Variants in NLRP1 observed in about 807,000 individuals in gnomAD.
The protein encoded by NLRP1 is NACHT, LRR and PYD domains-containing protein 1.
Under a neutral mutation model 136.7 loss-of-function variants are expected in NLRP1, and 94 were observed. That is an observed-to-expected ratio of 0.69 (90% CI 0.58 to 0.82). The LOEUF (loss-of-function observed/expected upper bound fraction) is 0.82. Ranked by LOEUF, NLRP1 falls within the 40% of genes least tolerant of loss-of-function variation. NLRP1 has a pLI of 0.00. For synonymous variants in NLRP1, 690 were observed against 725.1 expected (o/e 0.95, Z 0.78); for missense variants, 1,575 against 1,802.7 (o/e 0.87, Z 2.29).
At chr17:5,510,599 TC>T (rs1907575452), downstream of NLRP1, among the ~76,000 whole-genome samples, 2 of 151,844 alleles carry the variant, frequency 1.3e-5, no homozygotes, top group Non-Finnish European at 2.9e-5. Flanking sequence ...ACTCTTAACC[TC>T]AGGTGATCCG....
intron 12 of NLRP1, 101 bp from the exon 13 acceptor site, chr17:5,521,887 C>T (rs1477891906): frequency 9.1e-6 from 11 of 1,202,786 alleles, no homozygotes; most frequent in African/African-American, 4.6e-5. Context: ...TGCAATGGTA[C>T]AATCTCGGCT....
rs1256584480 is a variant in NLRP1, at chr17:5,537,153, GGA to G, written c.2871-215_2871-214del. Among the ~76,000 whole-genome samples, 1 of 152,244 alleles carries G rather than the reference GGA, an allele frequency of 6.6e-6. No individual in the cohort carries two copies. Among genetic ancestry groups the G allele is most frequent in the Admixed American group, 6.5e-5 (1 of 15,290 alleles). ...AGGGCAAGGGAAGGGAGGGAATCGG[GGA>G]GACGTGGGCTGTGAGGCAGTCTCCA... On this transcript the variant is annotated intron_variant, in intron 7 of 16. Transcript: ENST00000572272. The surrounding 1 kb of genome is among the most constrained non-coding windows in gnomAD (Gnocchi z 4.5).
At chr17:5,547,161 A>C (rs1912766900) in intron 5 of NLRP1, among the ~76,000 whole-genome samples, 1 of 152,212 alleles carries the variant, frequency 6.6e-6, no homozygotes, top group African/African-American at 2.4e-5. Context: ...ACCTAAGTAC[A>C]TAGCATACAT....
At chr17:5,509,536 A>G (rs1196018082), downstream of NLRP1, among the ~76,000 whole-genome samples, 1 of 152,054 alleles carries the variant, frequency 6.6e-6, no homozygotes, top group Non-Finnish European at 1.5e-5. Context: ...GGCTCCCACC[A>G]TCCATCAGAG....
chr17:5,536,563 G>A (rs1281493675), intron 8 of NLRP1, among the ~76,000 whole-genome samples: 1 of 148,308 alleles, frequency 6.7e-6, no homozygotes, highest in Non-Finnish European at 1.5e-5. Context: ...TTATTCTCAT[G>A]CCTCAGCCTC....
intron 4 of NLRP1, 63 bp downstream of exon 4, chr17:5,558,276 T>G (rs2151801369): frequency 6.6e-7 from 1 of 1,522,524 alleles, no homozygotes; most frequent in East Asian, 2.3e-5. Context: ...CCTCTGGTGC[T>G]CAGGTCACTC....
At chr17:5,539,291 T>C (rs1911531998) in intron 7 of NLRP1, 124 bp downstream of exon 7, 2 of 827,482 alleles carry the variant, frequency 2.4e-6, no homozygotes, top group African/African-American at 3.5e-5. Flanking sequence ...AGTCACACAG[T>C]GTAAGTGGTA....
chr17:5,531,821 T>C (rs1910309975), intron 11 of NLRP1, among the ~76,000 whole-genome samples: 1 of 152,208 alleles, frequency 6.6e-6, no homozygotes, highest in South Asian at 2.1e-4. Context: ...CCCCAGCTAC[T>C]AGTACAGTCC....
chr17:5,530,194 T>C (rs1910064032), intron 12 of NLRP1: 6 of 502,072 alleles, frequency 1.2e-5, no homozygotes, highest in Non-Finnish European at 1.9e-5. Context: ...GAGCATATCA[T>C]CTCTTTCCTG....
chr17:5,516,889 C>T (rs977196795), intron 15 of NLRP1, among the ~76,000 whole-genome samples: 7 of 152,134 alleles, frequency 4.6e-5, no homozygotes, highest in African/African-American at 1.7e-4. Flanking sequence ...TGAGAGCTGA[C>T]TAGGGATGGT....
intron 10 of NLRP1, 105 bp from the exon 11 acceptor site, chr17:5,533,089 C>T (rs1226121871): frequency 7.0e-7 from 1 of 1,431,932 alleles, no homozygotes; most frequent in East Asian, 2.4e-5. Context: ...CCTGCCTGGA[C>T]CATGGCAGGG....
intron 12 of NLRP1, among the ~76,000 whole-genome samples, chr17:5,524,217 C>T (rs1205722861): frequency 6.6e-6 from 1 of 152,214 alleles, no homozygotes; most frequent in Non-Finnish European, 1.5e-5. Context: ...CATGGGACGC[C>T]TGCATTACAG....
At chr17:5,506,737 C>CA (rs776202533) in intron 15 of NLRP1, among the ~76,000 whole-genome samples, 16,540 of 131,444 alleles carry the variant, frequency 0.13, 1,353 homozygotes, top group African/African-American at 0.2. Context: ...ACTAAAAATA[C>CA]AAAAAAAAAA....
intron 5 of NLRP1, among the ~76,000 whole-genome samples, chr17:5,551,492 T>C (rs1187812196): frequency 6.6e-6 from 1 of 152,254 alleles, no homozygotes; most frequent in Non-Finnish European, 1.5e-5. Flanking sequence ...TAAACATTCA[T>C]GTGCAGGTTT....
At chr17:5,579,258 TAA>T (rs35189601) in intron 3 of NLRP1, among the ~76,000 whole-genome samples, 2,908 of 143,880 alleles carry the variant, frequency 0.02, 86 homozygotes, top group African/African-American at 0.068. Flanking sequence ...CTTAAAGTAT[TAA>T]AAAAAAAAAA....
intron 4 of NLRP1, among the ~76,000 whole-genome samples, chr17:5,556,159 C>CAT (rs1412486653): frequency 0.034 from 4,342 of 127,702 alleles, 111 homozygotes; most frequent in African/African-American, 0.066. Flanking sequence ...CACACACACA[C>CAT]ACATGAAGGG....
At position 5,559,375 on chromosome 17, in the gene NLRP1, C is replaced by T. The variant is rs1914469317; in HGVS notation, c.1321G>A (p.Gly441Ser). Residue 441 changes from glycine to serine, a missense_variant, in exon 4 of 17, where the codon GGC (glycine) becomes AGC (serine). Coordinates refer to ENST00000572272, the MANE Select transcript of NLRP1 (RefSeq NM_033004.4). ...SQPQPADALLGSLLGKTILPE... is the reference protein window; with the variant it reads ...SQPQPADALLSSLLGKTILPE... ...AGTATAGTTTTCCCCAGCAAACTGC[C>T]CAGCAGTGCATCCGCCGGCTGTGGC... is the stretch of plus-strand genomic sequence containing the variant. The T allele has an allele frequency of 6.8e-6, 11 of 1,614,022 alleles. No homozygotes were observed. The highest frequency in any genetic ancestry group is 5.9e-6 in the Non-Finnish European group (7 of 1,179,918).
At chr17:5,551,429 T>C (rs948704782) in intron 5 of NLRP1, among the ~76,000 whole-genome samples, 4 of 152,238 alleles carry the variant, frequency 2.6e-5, no homozygotes, top group Non-Finnish European at 5.9e-5. Context: ...GTCCATTCAC[T>C]TTCTGAAGGG....
chr17:5,536,524 C>T (rs568239997), intron 8 of NLRP1, among the ~76,000 whole-genome samples: 29 of 146,764 alleles, frequency 2.0e-4, no homozygotes, highest in East Asian at 1.0e-3. Flanking sequence ...GATCTTGGCT[C>T]GCTGCAGCCT....
Sources: gnomAD v4.1 joint callset for allele counts (sites outside exome capture counted in the v4.1 genomes callset) on GRCh38, gnomAD v4.1.1 for gene constraint, Gnocchi (gnomAD v3.1) non-coding constraint, MANE v1.5 for transcripts, NCBI Gene and HGNC (gene_info 2026-07-23, HGNC 2026-07-21) for gene names.